The following AGBL4 variants were observed in gnomAD, a reference collection of about 807,000 sequenced individuals.
The protein encoded by AGBL4 is AGBL carboxypeptidase 4, also known as cytosolic carboxypeptidase 6.
AGBL4 carries 58 observed loss-of-function variants against 66.4 expected under a neutral mutation model. The observed-to-expected ratio is 0.87, with a 90% CI of 0.71 to 1.09. The LOEUF (loss-of-function observed/expected upper bound fraction) is 1.09. Ranked by LOEUF, AGBL4 falls within the 50% of genes least tolerant of loss-of-function variation. The probability of loss-of-function intolerance (pLI) is 0.00; values close to 1 mark genes in which losing one functional copy is unlikely to be tolerated. For missense variants in AGBL4, 579 were observed against 631.0 expected (o/e 0.92, Z 0.88); for synonymous variants, 234 against 222.9 (o/e 1.05, Z -0.44).
intron 5 of AGBL4, among the ~76,000 whole-genome samples, chr1:49,022,477 C>G (rs1173540899): frequency 6.6e-6 from 1 of 152,022 alleles, no homozygotes; most frequent in Non-Finnish European, 1.5e-5. Flanking sequence ...ATTCATCAGT[C>G]ATACCTACCT....
At chr1:49,249,052 C>T (rs1651852131) in intron 3 of AGBL4, among the ~76,000 whole-genome samples, 1 of 152,106 alleles carries the variant, frequency 6.6e-6, no homozygotes, top group South Asian at 2.1e-4. Context: ...AGCTCCATTC[C>T]AGGTATAGGC....
chr1:49,552,709 T>G (rs538180197), intron 3 of AGBL4, among the ~76,000 whole-genome samples: 11 of 152,284 alleles, frequency 7.2e-5, no homozygotes, highest in Non-Finnish European at 1.5e-5. Flanking sequence ...CTGTGAATCC[T>G]CTTGGGATTG....
At chr1:49,363,748 T>C (rs1265327746) in intron 3 of AGBL4, among the ~76,000 whole-genome samples, 1 of 152,230 alleles carries the variant, frequency 6.6e-6, no homozygotes, top group Non-Finnish European at 1.5e-5. Context: ...AGAACTCTCC[T>C]GAACAATTAT....
At chr1:48,590,449 A>G (rs1297104488) in intron 10 of AGBL4, among the ~76,000 whole-genome samples, 1 of 151,258 alleles carries the variant, frequency 6.6e-6, no homozygotes, top group Non-Finnish European at 1.5e-5. Context: ...CCAGCTACTC[A>G]GGAGGCTGAG....
chr1:49,096,502 T>C (rs1218203841), intron 4 of AGBL4, among the ~76,000 whole-genome samples: 2 of 151,740 alleles, frequency 1.3e-5, no homozygotes, highest in South Asian at 4.2e-4. Flanking sequence ...TGGAATACTA[T>C]GCAGCCATAA....
intron 4 of AGBL4, among the ~76,000 whole-genome samples, chr1:49,226,236 A>G (rs1649899797): frequency 6.6e-6 from 1 of 152,248 alleles, no homozygotes; most frequent in Non-Finnish European, 1.5e-5. Context: ...CAGATGCAAA[A>G]CAGCAAAATC....
At chr1:48,737,674 C>T (rs1456731816) in intron 6 of AGBL4, among the ~76,000 whole-genome samples, 2 of 152,122 alleles carry the variant, frequency 1.3e-5, no homozygotes, top group Non-Finnish European at 2.9e-5. Context: ...CAGAATGTTC[C>T]AGCAATAAGC....
intron 1 of AGBL4, among the ~76,000 whole-genome samples, chr1:49,932,712 A>G (rs995095542): frequency 1.3e-5 from 2 of 152,004 alleles, no homozygotes; most frequent in Admixed American, 1.3e-4. Context: ...CTCCCCACAA[A>G]CCCTCCTAGA....
intron 3 of AGBL4, among the ~76,000 whole-genome samples, chr1:49,498,638 T>C (rs943806898): frequency 9.2e-5 from 14 of 151,840 alleles, no homozygotes; most frequent in Non-Finnish European, 1.9e-4. Flanking sequence ...ATGTGTAATG[T>C]TGTTCCTGTT....
chr1:48,993,275 G>A (rs556308877), intron 5 of AGBL4, among the ~76,000 whole-genome samples: 1 of 152,246 alleles, frequency 6.6e-6, no homozygotes, highest in Non-Finnish European at 1.5e-5. Flanking sequence ...GACTAGAAAT[G>A]TCATCTGGGC....
chr1:49,455,645 T>C (rs1646371603), intron 3 of AGBL4, among the ~76,000 whole-genome samples: 1 of 151,724 alleles, frequency 6.6e-6, no homozygotes, highest in African/African-American at 2.4e-5. Flanking sequence ...TTATAGTGCA[T>C]TATAAATCAG....
At chr1:49,371,041 T>C (rs147293725) in intron 3 of AGBL4, among the ~76,000 whole-genome samples, 2 of 152,122 alleles carry the variant, frequency 1.3e-5, no homozygotes, top group African/African-American at 4.8e-5. Context: ...CCATCAGCTC[T>C]TGTGCATCAC....
intron 4 of AGBL4, among the ~76,000 whole-genome samples, chr1:49,195,608 C>T (rs1647217566): frequency 6.6e-6 from 1 of 152,148 alleles, no homozygotes; most frequent in African/African-American, 2.4e-5. Flanking sequence ...ATTGACTTTA[C>T]ACACTCAGAT....
chr1:48,869,364 C>T (rs1391087448), intron 5 of AGBL4, among the ~76,000 whole-genome samples: 2 of 152,198 alleles, frequency 1.3e-5, no homozygotes, highest in African/African-American at 2.4e-5. Flanking sequence ...CTGGCTTAAG[C>T]TGCCTTTGCC....
chr1:49,209,870 TATG>T (rs377603669), intron 4 of AGBL4, among the ~76,000 whole-genome samples: 5 of 152,066 alleles, frequency 3.3e-5, no homozygotes, highest in African/African-American at 1.2e-4. Flanking sequence ...GGGAAACCAA[TATG>T]ATGACTGGTA....
chr1:48,581,167 T>C (rs1644734826), intron 11 of AGBL4, among the ~76,000 whole-genome samples: 1 of 152,208 alleles, frequency 6.6e-6, no homozygotes, highest in Non-Finnish European at 1.5e-5. Context: ...ATCTGTCTTT[T>C]TCTAGTGTCT....
At chr1:49,993,043 C>T (rs1660083380) in intron 1 of AGBL4, among the ~76,000 whole-genome samples, 1 of 152,126 alleles carries the variant, frequency 6.6e-6, no homozygotes, top group Non-Finnish European at 1.5e-5. Flanking sequence ...GAATGCCAAG[C>T]CATAAGACTA....
chr1:48,528,453 A>C (rs1050580784), downstream of AGBL4, among the ~76,000 whole-genome samples: 3 of 152,124 alleles, frequency 2.0e-5, no homozygotes, highest in Admixed American at 6.5e-5. Context: ...AGTAAATTTT[A>C]AGCACTAAGG....
At chr1:49,862,728 CAG>C (rs1192548967) in intron 1 of AGBL4, among the ~76,000 whole-genome samples, 1 of 152,120 alleles carries the variant, frequency 6.6e-6, no homozygotes, top group African/African-American at 2.4e-5. Flanking sequence ...GGCCAGAAGA[CAG>C]TGGCATGACA....
Sources: gnomAD v4.1 joint callset for allele counts (sites outside exome capture counted in the v4.1 genomes callset) on GRCh38, gnomAD v4.1.1 for gene constraint, MANE v1.5 for transcripts, NCBI Gene and HGNC (gene_info 2026-07-23, HGNC 2026-07-21) for gene names.